Variants in GRAMD4 observed in about 807,000 individuals in gnomAD.
The protein encoded by GRAMD4 is GRAM domain-containing protein 4.
A neutral mutation model predicts 83.9 loss-of-function variants in GRAMD4; 25 were observed. The ratio of observed to expected loss-of-function variants is 0.30; its 90% CI spans 0.22 to 0.42. The LOEUF (loss-of-function observed/expected upper bound fraction) is 0.42. GRAMD4 is among the 10% of genes least tolerant of loss of function. The pLI is 1.00. For synonymous variants in GRAMD4, 336 were observed against 320.9 expected (o/e 1.05, Z -0.50); for missense variants, 593 against 788.7 (o/e 0.75, Z 2.97).
chr22:46,630,947 G>A lies in GRAMD4; in HGVS notation c.162+3986G>A, dbSNP rs144323393. On this transcript the variant is annotated intron_variant, in intron 2 of 18. Transcript: ENST00000406902. ...CTCGAGGGCCGTGTGCCCTCACCCC[G>A]GCCTCTGCAGTGTGCCCTCCATAGC... is the stretch of plus-strand genomic sequence containing the variant. Among the ~76,000 whole-genome samples the A allele has an allele frequency of 6.6e-3, 984 of 149,310 alleles. 8 individuals are homozygous for A. The highest frequency in any genetic ancestry group is 0.02 in the African/African-American group (838 of 41,034).
chr22:46,653,180 G>A (rs906134965), intron 3 of GRAMD4, among the ~76,000 whole-genome samples: 4 of 152,250 alleles, frequency 2.6e-5, no homozygotes, highest in African/African-American at 7.2e-5. Context: ...GGGACAGGCT[G>A]ATTTGCCACG....
intron 3 of GRAMD4, among the ~76,000 whole-genome samples, chr22:46,654,047 CG>C (rs2082206176): frequency 6.6e-6 from 1 of 152,190 alleles, no homozygotes; most frequent in Admixed American, 6.5e-5. Flanking sequence ...CACCGGCTGA[CG>C]GGGCATTTGG....
intron 1 of GRAMD4, among the ~76,000 whole-genome samples, chr22:46,605,163 G>A (rs2081353184): frequency 6.6e-6 from 1 of 151,526 alleles, no homozygotes; most frequent in Admixed American, 6.6e-5. Context: ...CCAGGTCTTG[G>A]TGCCATAATG....
chr22:46,627,158 G>A (rs1002996435), intron 2 of GRAMD4, among the ~76,000 whole-genome samples, 197 bp downstream of exon 2: 1 of 152,228 alleles, frequency 6.6e-6, no homozygotes, highest in African/African-American at 2.4e-5. Flanking sequence ...CGAGCCTTCT[G>A]TGTTCGCAGG....
upstream of GRAMD4, among the ~76,000 whole-genome samples, chr22:46,619,685 C>A (rs550714374): frequency 3.2e-4 from 49 of 152,202 alleles, no homozygotes; most frequent in Non-Finnish European, 6.2e-4. Flanking sequence ...TGCCAGCTGC[C>A]CCATCCTCAC....
Position 46,661,393 on chromosome 22 carries a change from G to C in GRAMD4, c.417G>C (p.Gln139His). Residue 139 changes from glutamine (Q) to histidine (H), a missense_variant, in exon 5 of 19, where the codon CAG becomes CAC. Physicochemically the swap from Gln to His is conservative, Grantham distance 24. Transcript: ENST00000406902. ...QEVLKARTEEQMAQQPPKGQA... is the reference protein window; with the variant it reads ...QEVLKARTEEHMAQQPPKGQA... ...CCTGCTTTTTAAGAACCGAGGAGCA[G>C]ATGGCTCAGCAGCCCCCAAAAGGGC... 3.1e-6 allele frequency: 5 copies of C among 1,612,050 alleles called. No homozygotes were observed. Among genetic ancestry groups the C allele is most frequent in the Non-Finnish European group, 3.4e-6 (4 of 1,179,432 alleles).
Position 46,677,516 on chromosome 22 carries a change from C to T in GRAMD4, c.*265C>T. 1 of 1,224,710 alleles carries T rather than the reference C, an allele frequency of 8.2e-7. No individual in the cohort carries two copies. The highest frequency in any genetic ancestry group is 1.0e-6 in the Non-Finnish European group (1 of 976,334). The allele number at this position is 1,224,710 out of a possible 1,614,324, so 75.9% of individuals were successfully genotyped here. ...CGCAGACTGGGGGAGGGGGCAGAGG[C>T]CCTCGGGGGCCCGTGGAGAAGACAC... On this transcript the variant is annotated 3_prime_UTR_variant, in exon 19 of 19. Coordinates refer to ENST00000406902, the MANE Select transcript of GRAMD4 (RefSeq NM_015124.5).
intron 1 of GRAMD4, among the ~76,000 whole-genome samples, chr22:46,605,789 C>T (rs34995951): frequency 2.9e-3 from 52 of 18,164 alleles, no homozygotes; most frequent in East Asian, 0.017. Flanking sequence ...TCTGCATGGG[C>T]CTATGGCCGG....
rs541491920 is a variant in GRAMD4, at chr22:46,577,733, C to G, written c.-50+443C>G. ...GGGCGCCCCAGCCCCTGCTTCCCTA[C>G]AGACGACCTCTCCAAAAAGTTGTGG... On this transcript the variant is annotated intron_variant, in intron 1 of 1. Transcript: ENST00000431155. Among the ~76,000 whole-genome samples the G allele has an allele frequency of 9.2e-5, 14 of 152,322 alleles. No individual in the cohort carries two copies. In the South Asian group the frequency reaches 2.9e-3, roughly 32 times the overall value.
At chr22:46,657,533 CGACCTCT>C (rs1254306843) in intron 3 of GRAMD4, among the ~76,000 whole-genome samples, 3 of 152,200 alleles carry the variant, frequency 2.0e-5, no homozygotes, top group African/African-American at 4.8e-5. Flanking sequence ...CCAGTCTCTC[CGACCTCT>C]GACCTCTGAC....
At chr22:46,660,110 C>T (rs916708249) in intron 4 of GRAMD4, among the ~76,000 whole-genome samples, 3 of 152,212 alleles carry the variant, frequency 2.0e-5, no homozygotes, top group East Asian at 3.9e-4. Flanking sequence ...AGGATCTGGT[C>T]CTCATCTTTT....
At position 46,674,649 on chromosome 22, in the gene GRAMD4, C is replaced by T. The variant is rs760344999; in HGVS notation, c.1385-8C>T. 18 of 1,595,164 alleles carry T rather than the reference C, an allele frequency of 1.1e-5. No homozygotes were observed. In the African/African-American group the frequency reaches 2.3e-4, roughly 20 times the overall value. On this transcript the variant is annotated splice_polypyrimidine_tract_variant and splice_region_variant and intron_variant, in intron 15 of 18. Coordinates refer to ENST00000406902, the MANE Select transcript of GRAMD4 (RefSeq NM_015124.5). ...GGAAAGTGTGACAGGCGGGCCTTCT[C>T]CCATTAGTGTGCGAGAATGGCTGGC...
At chr22:46,601,994 C>T (rs1178039483) in intron 1 of GRAMD4, among the ~76,000 whole-genome samples, 1 of 152,130 alleles carries the variant, frequency 6.6e-6, no homozygotes, top group East Asian at 1.9e-4. Context: ...CTTTTTTCTC[C>T]TCTCCTCCTC....
intron 1 of GRAMD4, among the ~76,000 whole-genome samples, chr22:46,607,990 C>T (rs6008930): frequency 4.1e-4 from 62 of 152,338 alleles, no homozygotes; most frequent in African/African-American, 1.4e-3. Flanking sequence ...GGCAGCACTT[C>T]CAGCTCCATG....
In GRAMD4 at chr22:46,672,396, G is replaced by A. The variant is rs1386187826; in HGVS notation, c.1085-447G>A. On this transcript the variant is annotated intron_variant, in intron 13 of 18. Transcript: ENST00000406902. The surrounding 1 kb of genome is among the most constrained non-coding windows in gnomAD (Gnocchi z 4.7). ...CGTGGGGGGGCACCCAGTTGAAGAA[G>A]GGCAGGTGGGAGGGGGTTTGGGGAG... Among the ~76,000 whole-genome samples the A allele has an allele frequency of 6.6e-6, 1 of 152,046 alleles. No individual in the cohort carries two copies. The highest frequency in any genetic ancestry group is 6.5e-5 in the Admixed American group (1 of 15,274).
intron 1 of GRAMD4, among the ~76,000 whole-genome samples, chr22:46,609,912 G>C (rs935858136): frequency 1.3e-5 from 2 of 152,176 alleles, no homozygotes; most frequent in African/African-American, 4.8e-5. Flanking sequence ...GTGGACGGGG[G>C]CCTACACTGG....
rs1196877596 is a variant in GRAMD4, at chr22:46,677,452, CT to C, written c.*202del. 7.4e-7 allele frequency: 1 copy of C among 1,346,380 alleles called. No homozygotes were observed. Among genetic ancestry groups the C allele is most frequent in the East Asian group, 2.7e-5 (1 of 36,504 alleles). 83.4% of individuals were successfully genotyped at this position (1,346,380 alleles called of 1,614,324 possible). A position where few individuals can be genotyped will look rare whatever the true frequency, so the allele number is the denominator to read the frequency against. Reference sequence around the variant, plus strand: ...AGGGCTCACAGGGACGGGGGTGCCCCTCTCCCACAGGGCACGTCAGGTGCCT... The same window carrying C: ...AGGGCTCACAGGGACGGGGGTGCCCCCTCCCACAGGGCACGTCAGGTGCCT... On this transcript the variant is annotated 3_prime_UTR_variant, in exon 19 of 19. Transcript: ENST00000406902.
intron 1 of GRAMD4, among the ~76,000 whole-genome samples, chr22:46,623,727 C>A (rs554316792): frequency 1.2e-4 from 18 of 151,572 alleles, no homozygotes; most frequent in African/African-American, 4.4e-4. Context: ...TGAAGGTTTT[C>A]GCGTATTAGG....
intron 1 of GRAMD4, among the ~76,000 whole-genome samples, chr22:46,590,677 G>A (rs960583169): frequency 5.3e-5 from 8 of 152,236 alleles, no homozygotes; most frequent in Non-Finnish European, 1.0e-4. Context: ...GGCGTGCTTG[G>A]GTGAGGGGAG....
Sources: gnomAD v4.1 joint callset for allele counts (sites outside exome capture counted in the v4.1 genomes callset) on GRCh38, gnomAD v4.1.1 for gene constraint, Gnocchi (gnomAD v3.1) non-coding constraint, MANE v1.5 for transcripts, NCBI Gene and HGNC (gene_info 2026-07-23, HGNC 2026-07-21) for gene names.